The following LHFPL3 variants were observed in gnomAD, a reference collection of about 807,000 sequenced individuals.
LHFPL3 encodes the protein LHFPL tetraspan subfamily member 3 protein.
LHFPL3 carries 5 observed loss-of-function variants against 19.3 expected under a neutral mutation model. The observed-to-expected ratio is 0.26, with a 90% CI of 0.14 to 0.54. LHFPL3 has a LOEUF of 0.54. LHFPL3 is among the 20% of genes least tolerant of loss of function. The pLI, the probability that LHFPL3 is intolerant of heterozygous loss-of-function variation, is 0.94. For missense variants in LHFPL3, 249 were observed against 307.4 expected (o/e 0.81, Z 1.42); for synonymous variants, 133 against 126.2 (o/e 1.05, Z -0.36).
chr7:104,607,280 G>C (rs1048481052), intron 1 of LHFPL3, among the ~76,000 whole-genome samples: 1 of 152,246 alleles, frequency 6.6e-6, no homozygotes, highest in East Asian at 1.9e-4. Flanking sequence ...TCAGAGGCAA[G>C]ATGGAGTCAA....
intron 1 of LHFPL3, among the ~76,000 whole-genome samples, chr7:104,733,480 C>T (rs1044399823): frequency 6.6e-6 from 1 of 152,154 alleles, no homozygotes; most frequent in Non-Finnish European, 1.5e-5. Context: ...TATGTAATGG[C>T]CTTCTTTGTC....
chr7:104,627,115 A>G (rs1305477866), intron 1 of LHFPL3, among the ~76,000 whole-genome samples: 1 of 152,032 alleles, frequency 6.6e-6, no homozygotes, highest in Non-Finnish European at 1.5e-5. Context: ...ATCTCCTTTG[A>G]GCAACATCTC....
chr7:104,537,894 G>A lies in LHFPL3; in HGVS notation c.446-198781G>A, dbSNP rs1562928815. On this transcript the variant is annotated intron_variant, in intron 1 of 2. Transcript: ENST00000424859. ...AAAGAAATGATTACTTTCCATCAAG[G>A]TCCTTCTTGGGCAGGTAAAGGCTAC... 3.9e-5 allele frequency among the ~76,000 whole-genome samples: 6 copies of A among 152,246 alleles called. No individual in the cohort carries two copies. In the South Asian group the frequency reaches 1.2e-3, roughly 32 times the overall value.
intron 2 of LHFPL3, among the ~76,000 whole-genome samples, chr7:104,824,284 A>AT (rs1177831267): frequency 1.0e-4 from 2 of 19,232 alleles, no homozygotes; most frequent in Non-Finnish European, 1.7e-4. Context: ...TATACAATAT[A>AT]TATAATATAT....
chr7:104,828,827 G>A (rs1229717890), intron 2 of LHFPL3, among the ~76,000 whole-genome samples: 2 of 151,858 alleles, frequency 1.3e-5, no homozygotes, highest in Admixed American at 6.5e-5. Context: ...TTGAGGTCAG[G>A]AGTTCGAGAC....
intron 1 of LHFPL3, among the ~76,000 whole-genome samples, chr7:104,506,673 T>A (rs537532736): frequency 6.6e-6 from 1 of 152,214 alleles, no homozygotes; most frequent in Non-Finnish European, 1.5e-5. Flanking sequence ...TCTTGGATCT[T>A]CTGTGATTTG....
intron 1 of LHFPL3, among the ~76,000 whole-genome samples, chr7:104,493,712 T>G (rs1442526082): frequency 6.6e-6 from 1 of 152,144 alleles, no homozygotes; most frequent in Non-Finnish European, 1.5e-5. Flanking sequence ...TCTTGTCTTT[T>G]TTTTTTTGCT....
chr7:104,578,369 A>AT (rs1441136330), intron 1 of LHFPL3, among the ~76,000 whole-genome samples: 2 of 152,162 alleles, frequency 1.3e-5, no homozygotes, highest in East Asian at 1.9e-4. Context: ...GGATAAACAG[A>AT]TTTTGCCTTT....
chr7:104,569,175 A>G (rs1342408256), intron 1 of LHFPL3, among the ~76,000 whole-genome samples: 1 of 152,166 alleles, frequency 6.6e-6, no homozygotes, highest in Non-Finnish European at 1.5e-5. Flanking sequence ...CTATATCTTT[A>G]TCTTCTTCCC....
At chr7:104,830,715 A>T (rs11536517) in intron 2 of LHFPL3, among the ~76,000 whole-genome samples, 1 of 151,534 alleles carries the variant, frequency 6.6e-6, no homozygotes, top group South Asian at 2.1e-4. Context: ...TACCAGTACC[A>T]TGCTGTTTTG....
At chr7:104,343,379 G>A (rs1206065197) in intron 1 of LHFPL3, among the ~76,000 whole-genome samples, 1 of 151,580 alleles carries the variant, frequency 6.6e-6, no homozygotes, top group East Asian at 1.9e-4. Flanking sequence ...CGGGCATGGT[G>A]GTGCATGCCT....
At chr7:104,729,402 T>G (rs531564518) in intron 1 of LHFPL3, among the ~76,000 whole-genome samples, 1 of 152,324 alleles carries the variant, frequency 6.6e-6, no homozygotes, top group East Asian at 1.9e-4. Context: ...TCTAGCTATT[T>G]TGAAATGTAT....
chr7:104,563,179 G>A (rs1584404020), intron 1 of LHFPL3, among the ~76,000 whole-genome samples: 1 of 152,358 alleles, frequency 6.6e-6, no homozygotes, highest in South Asian at 2.1e-4. Context: ...ACAGAGGCAG[G>A]CAGGCCTCCT....
intron 2 of LHFPL3, among the ~76,000 whole-genome samples, chr7:104,829,456 A>T (rs904073036): frequency 4.6e-5 from 7 of 151,796 alleles, no homozygotes; most frequent in African/African-American, 7.3e-5. Context: ...CATTAGGTAT[A>T]TCTCCTAATG....
intron 2 of LHFPL3, chr7:104,786,513 C>T (rs1343972898): frequency 6.6e-6 from 1 of 152,162 alleles, no homozygotes; most frequent in Non-Finnish European, 1.5e-5. Flanking sequence ...CAATCTGCTA[C>T]TTACCCATGC....
chr7:104,537,073 T>G (rs184246772), intron 1 of LHFPL3, among the ~76,000 whole-genome samples: 1 of 152,342 alleles, frequency 6.6e-6, no homozygotes, highest in Admixed American at 6.5e-5. Context: ...CCTTGCAGCT[T>G]CTTTAATGAG....
intron 1 of LHFPL3, among the ~76,000 whole-genome samples, chr7:104,631,997 G>C (rs531910656): frequency 6.6e-6 from 1 of 152,180 alleles, no homozygotes; most frequent in African/African-American, 2.4e-5. Context: ...GACTGCTTTA[G>C]GAGGCAGTGA....
At chr7:104,833,039 ATATAT>A (rs1790999263) in intron 2 of LHFPL3, among the ~76,000 whole-genome samples, 2 of 1,030 alleles carry the variant, frequency 1.9e-3, no homozygotes, top group Non-Finnish European at 4.1e-3. Flanking sequence ...TATTATATAT[ATATAT>A]TATATATATA....
intron 1 of LHFPL3, among the ~76,000 whole-genome samples, chr7:104,480,756 G>T (rs1249368279): frequency 1.3e-5 from 2 of 152,144 alleles, no homozygotes; most frequent in Non-Finnish European, 2.9e-5. Flanking sequence ...CATAAAACAG[G>T]CATTTGGTAT....
Sources: allele counts gnomAD v4.1 joint callset (sites outside exome capture counted in the v4.1 genomes callset), GRCh38; gene constraint gnomAD v4.1.1; transcripts MANE v1.5; gene names NCBI Gene and HGNC (gene_info 2026-07-23, HGNC 2026-07-21).